UBE2D2: variants seen among roughly 807,000 people sequenced by gnomAD.
The protein encoded by UBE2D2 is ubiquitin-conjugating enzyme E2 D2.
Under a neutral mutation model 24.2 loss-of-function variants are expected in UBE2D2, and 2 were observed. The observed-to-expected ratio is 0.08, with a 90% CI of 0.03 to 0.26. UBE2D2 has a LOEUF of 0.26. Ranked by LOEUF, UBE2D2 falls within the 10% of genes least tolerant of loss-of-function variation. The pLI is 1.00. For synonymous variants in UBE2D2, 58 were observed against 56.5 expected, an observed-to-expected ratio of 1.03 and a Z score of -0.12; for missense variants, 44 against 177.6, an observed-to-expected ratio of 0.25 and a Z score of 4.28.
intron 2 of UBE2D2, among the ~76,000 whole-genome samples, chr5:139,609,813 C>T (rs1754275115): frequency 6.7e-6 from 1 of 148,846 alleles, no homozygotes; most frequent in African/African-American, 2.5e-5. Flanking sequence ...GCACTGTTGC[C>T]CAGGCTGGAG....
At chr5:139,592,176 T>A (rs904006815) in intron 1 of UBE2D2, among the ~76,000 whole-genome samples, 2 of 152,098 alleles carry the variant, frequency 1.3e-5, no homozygotes, top group African/African-American at 4.8e-5. Context: ...CAGTCTAGCC[T>A]GGGCGACAAA....
At chr5:139,536,280 GTATAGA>G (rs1752681214) in intron 1 of UBE2D2, among the ~76,000 whole-genome samples, 10 of 151,132 alleles carry the variant, frequency 6.6e-5, no homozygotes, top group Admixed American at 4.0e-4. Flanking sequence ...TGTATTTTTA[GTATAGA>G]CAGGGTTTCT....
rs141871127 is a variant in UBE2D2, at chr5:139,615,657, G to A, written c.304+691G>A. 1.0e-3 allele frequency among the ~76,000 whole-genome samples: 156 copies of A among 152,126 alleles called. 1 individual carries two copies. The highest frequency in any genetic ancestry group is 1.9e-3 in the Non-Finnish European group (126 of 67,988). On this transcript the variant is annotated intron_variant, in intron 5 of 6. Coordinates refer to ENST00000398733, the MANE Select transcript of UBE2D2 (RefSeq NM_003339.3). ...AAATGCCTATGCTGTAAACATAGAC[G>A]TTAGGTTCTTGAAGAACAAAATATA... is the stretch of plus-strand genomic sequence containing the variant.
At chr5:139,540,816 C>T (rs1226532384) in intron 1 of UBE2D2, among the ~76,000 whole-genome samples, 1 of 151,644 alleles carries the variant, frequency 6.6e-6, no homozygotes, top group Non-Finnish European at 1.5e-5. Context: ...CATGGCAAAA[C>T]CCTATCTCTA....
intron 1 of UBE2D2, among the ~76,000 whole-genome samples, chr5:139,590,451 AAAAAAAG>A (rs1306138153): frequency 6.6e-6 from 1 of 151,830 alleles, no homozygotes; most frequent in African/African-American, 2.4e-5. Flanking sequence ...AATAAAAAAA[AAAAAAAG>A]AAAGAAAAAG....
intron 1 of UBE2D2, among the ~76,000 whole-genome samples, chr5:139,549,279 G>A (rs1048715245): frequency 1.1e-4 from 16 of 152,294 alleles, no homozygotes; most frequent in Admixed American, 2.0e-4. Flanking sequence ...GCTGCACTGC[G>A]GGAGCCCCTC....
chr5:139,586,391 C>T (rs1753725299), intron 1 of UBE2D2, among the ~76,000 whole-genome samples: 1 of 152,082 alleles, frequency 6.6e-6, no homozygotes, highest in Non-Finnish European at 1.5e-5. Context: ...TCTCTGACTT[C>T]CTGATTCTAA....
chr5:139,547,582 T>C (rs1561498420), intron 1 of UBE2D2, among the ~76,000 whole-genome samples: 1 of 151,900 alleles, frequency 6.6e-6, no homozygotes, highest in East Asian at 2.0e-4. Flanking sequence ...TGATCTCGGC[T>C]CACTGCAACC....
rs1191916905 is a variant in UBE2D2, at chr5:139,626,856, G to A, written c.*55G>A. 2.0e-6 allele frequency: 3 copies of A among 1,511,184 alleles called. No homozygotes were observed. In the East Asian group the frequency reaches 6.8e-5, roughly 34 times the overall value. The allele number at this position is 1,511,184 out of a possible 1,614,324, so 93.6% of individuals were successfully genotyped here. On this transcript the variant is annotated 3_prime_UTR_variant, in exon 7 of 7. Transcript: ENST00000398733. ...ATAAAGATAGGGGAACTCTGAAAGA[G>A]AAAGTCCTTTTGATTTCCATTTGAC...
At chr5:139,623,262 C>CA in intron 5 of UBE2D2, 106 bp from the exon 6 acceptor site, 1 of 584,256 alleles carries the variant, frequency 1.7e-6, no homozygotes, top group Non-Finnish European at 3.0e-6. Context: ...AGCTGCTAGG[C>CA]ATTACAGTAT....
At chr5:139,588,858 G>T (rs1024387424) in intron 1 of UBE2D2, among the ~76,000 whole-genome samples, 2 of 152,056 alleles carry the variant, frequency 1.3e-5, no homozygotes, top group African/African-American at 4.8e-5. Context: ...GACCTCCTGG[G>T]CTCAAGTGAT....
chr5:139,543,987 A>G (rs1233683593), intron 1 of UBE2D2, among the ~76,000 whole-genome samples: 1 of 151,178 alleles, frequency 6.6e-6, no homozygotes, highest in Admixed American at 6.6e-5. Context: ...ATTTTTTTCT[A>G]TTTCTTTGTT....
intron 2 of UBE2D2, chr5:139,612,299 C>T (rs990891229): frequency 2.6e-5 from 4 of 152,504 alleles, no homozygotes; most frequent in African/African-American, 9.6e-5. Context: ...GGTTTCTTTA[C>T]TCTTCCAGTA....
intron 1 of UBE2D2, among the ~76,000 whole-genome samples, chr5:139,577,229 T>C (rs1360684855): frequency 6.6e-6 from 1 of 152,036 alleles, no homozygotes; most frequent in African/African-American, 2.4e-5. Context: ...GTATTACTTT[T>C]AAGTTTCAAG....
intron 1 of UBE2D2, among the ~76,000 whole-genome samples, chr5:139,590,706 G>C (rs1309533617): frequency 6.7e-6 from 1 of 148,812 alleles, no homozygotes; most frequent in East Asian, 2.0e-4. Context: ...AGGGGACGTA[G>C]ATCCTAAGAT....
chr5:139,557,749 T>G (rs935269473), upstream of UBE2D2, among the ~76,000 whole-genome samples: 1 of 151,454 alleles, frequency 6.6e-6, no homozygotes, highest in African/African-American at 2.4e-5. Flanking sequence ...TCTGTCTCAA[T>G]AAATAAATAA....
chr5:139,597,969 T>G (rs530669931), intron 1 of UBE2D2, among the ~76,000 whole-genome samples: 61 of 152,376 alleles, frequency 4.0e-4, no homozygotes, highest in African/African-American at 1.4e-3. Flanking sequence ...TGGCGTGATC[T>G]TGGCTCACTG....
chr5:139,597,914 T>C (rs1753990911), intron 1 of UBE2D2, among the ~76,000 whole-genome samples: 1 of 152,228 alleles, frequency 6.6e-6, no homozygotes, highest in African/African-American at 2.4e-5. Flanking sequence ...TTATTTCTTT[T>C]TTTTTGAGAC....
intron 1 of UBE2D2, among the ~76,000 whole-genome samples, chr5:139,551,196 A>G (rs955984368): frequency 3.9e-5 from 6 of 152,128 alleles, no homozygotes; most frequent in Non-Finnish European, 8.8e-5. Context: ...ATTACAAAAA[A>G]TTAGCTGGAT....
Sources: gnomAD v4.1 joint callset for allele counts (sites outside exome capture counted in the v4.1 genomes callset) on GRCh38, gnomAD v4.1.1 for gene constraint, MANE v1.5 for transcripts, NCBI Gene and HGNC (gene_info 2026-07-23, HGNC 2026-07-21) for gene names.